Variants in ADAMTS2 observed in about 807,000 individuals in gnomAD.
ADAMTS2 encodes ADAM metallopeptidase with thrombospondin type 1 motif 2.
ADAMTS2 carries 50 observed loss-of-function variants against 123.0 expected under a neutral mutation model. That is an observed-to-expected ratio of 0.41 (90% CI 0.32 to 0.51). ADAMTS2 has a LOEUF of 0.51. Ranked by LOEUF, ADAMTS2 falls within the 20% of genes least tolerant of loss-of-function variation. ADAMTS2 has a pLI of 0.35. For missense variants in ADAMTS2, 1,494 were observed against 1,705.2 expected (o/e 0.88, Z 2.18); for synonymous variants, 678 against 695.4 (o/e 0.98, Z 0.39).
intron 5 of ADAMTS2, among the ~76,000 whole-genome samples, chr5:179,179,873 C>A (rs989068340): frequency 6.6e-6 from 1 of 152,176 alleles, no homozygotes; most frequent in African/African-American, 2.4e-5. Context: ...GACTGAGATT[C>A]TCTTTGAACA....
rs1765473969 is a variant in ADAMTS2, at chr5:179,234,100, T to C, written c.689-26385A>G. ...CGTGGACTCTGCAGGTTTCCTAATG[T>C]CCTCCCAGTAACTCTTCCTGGCTCA... On this transcript the variant is annotated intron_variant, in intron 3 of 21. Transcript: ENST00000251582. This position sits in a 1 kb window ranked among gnomAD's most constrained non-coding sequence, Gnocchi z 4.7. 6.6e-6 allele frequency among the ~76,000 whole-genome samples: 1 copy of C among 152,132 alleles called. No individual in the cohort carries two copies. The highest frequency in any genetic ancestry group is 1.5e-5 in the Non-Finnish European group (1 of 68,006).
chr5:179,205,611 G>A (rs1291615207), intron 4 of ADAMTS2, among the ~76,000 whole-genome samples: 6 of 152,150 alleles, frequency 3.9e-5, no homozygotes, highest in Admixed American at 2.0e-4. Context: ...AACTCATATT[G>A]TGAAGGCAGC....
In ADAMTS2 at chr5:179,180,814, C is replaced by A. The variant is rs1243173352; in HGVS notation, c.975+258G>T. ...CCCCTGGTGCCTCCCTGTGTGGCCC[C>A]CGTGGCCTGGTATGTCTCTTCCTCT... On this transcript the variant is annotated intron_variant, in intron 5 of 21. Transcript: ENST00000251582. This position sits in a 1 kb window ranked among gnomAD's most constrained non-coding sequence, Gnocchi z 4.6. Among the ~76,000 whole-genome samples the A allele has an allele frequency of 6.6e-6, 1 of 152,166 alleles. No individual in the cohort carries two copies. Among genetic ancestry groups the A allele is most frequent in the Non-Finnish European group, 1.5e-5 (1 of 68,028 alleles).
intron 2 of ADAMTS2, among the ~76,000 whole-genome samples, chr5:179,280,632 G>A (rs1302869643): frequency 1.3e-5 from 2 of 152,106 alleles, no homozygotes; most frequent in Non-Finnish European, 2.9e-5. Context: ...TGGGGTCCCA[G>A]CAGCCGTCTG....
intron 3 of ADAMTS2, among the ~76,000 whole-genome samples, chr5:179,263,898 G>A (rs886483746): frequency 2.6e-5 from 4 of 152,206 alleles, no homozygotes; most frequent in Admixed American, 1.3e-4. Flanking sequence ...AAAGAGAAAC[G>A]GGTCAAAGAA....
At chr5:179,231,479 C>T (rs927378277) in intron 3 of ADAMTS2, among the ~76,000 whole-genome samples, 2 of 152,148 alleles carry the variant, frequency 1.3e-5, no homozygotes, top group African/African-American at 4.8e-5. Context: ...TGTCTACCGC[C>T]TCGATGTGCT....
rs1048323343 is a variant in ADAMTS2 at position 179,343,631 on chromosome 5, G to A, written c.534+136C>T. The stretch of plus-strand genomic sequence containing the variant: ...GCCAAGCCCTTCAGTTGGAGCACGA[G>A]GCTCACTAAAGCACGGGAAGGGCGC... On this transcript the variant is annotated intron_variant, in intron 2 of 21. Transcript: ENST00000251582. The A allele has an allele frequency of 2.4e-6, 3 of 1,226,240 alleles. No individual in the cohort carries two copies. The African/African-American group carries it at 4.5e-5, about 18-fold the overall frequency. The allele number at this position is 1,226,240 out of a possible 1,614,324, so 76.0% of individuals were successfully genotyped here.
intron 2 of ADAMTS2, among the ~76,000 whole-genome samples, chr5:179,336,973 C>T (rs868543581): frequency 2.0e-5 from 3 of 152,198 alleles, no homozygotes; most frequent in Non-Finnish European, 4.4e-5. Flanking sequence ...TGCCTCTGAG[C>T]GGAAGCTGTG....
chr5:179,338,298 G>A (rs541580308), intron 2 of ADAMTS2, among the ~76,000 whole-genome samples: 12 of 152,268 alleles, frequency 7.9e-5, no homozygotes, highest in East Asian at 3.9e-4. Flanking sequence ...CTAGAGCCTC[G>A]GTTTCCTACC....
At chr5:179,327,662 C>T (rs1757350420) in intron 2 of ADAMTS2, among the ~76,000 whole-genome samples, 1 of 152,166 alleles carries the variant, frequency 6.6e-6, no homozygotes, top group Admixed American at 6.5e-5. Context: ...GGGAAATGGG[C>T]CTGGGAGATC....
chr5:179,205,546 T>A (rs1161415027), intron 4 of ADAMTS2, among the ~76,000 whole-genome samples: 1 of 152,156 alleles, frequency 6.6e-6, no homozygotes, highest in East Asian at 1.9e-4. Context: ...GGACTGTAAT[T>A]CCAAGCCCAG....
intron 3 of ADAMTS2, among the ~76,000 whole-genome samples, chr5:179,265,119 C>T (rs1400935755): frequency 6.6e-6 from 1 of 152,092 alleles, no homozygotes; most frequent in Non-Finnish European, 1.5e-5. Flanking sequence ...TGGGAGCAGC[C>T]CTAATGCAGC....
intron 3 of ADAMTS2, among the ~76,000 whole-genome samples, chr5:179,269,087 C>T (rs942167958): frequency 3.3e-5 from 5 of 152,216 alleles, no homozygotes; most frequent in African/African-American, 4.8e-5. Context: ...CACAGGGACA[C>T]GTCAGAAGAG....
intron 3 of ADAMTS2, among the ~76,000 whole-genome samples, chr5:179,265,026 C>T (rs558058893): frequency 1.3e-4 from 20 of 152,194 alleles, no homozygotes; most frequent in African/African-American, 4.1e-4. Context: ...CAGCAGCATG[C>T]CGGGTGGGGC....
At chr5:179,207,471 A>ACCCCACCCCC in intron 4 of ADAMTS2, 42 bp downstream of exon 4, 3 of 1,026,474 alleles carry the variant, frequency 2.9e-6, no homozygotes, top group Non-Finnish European at 3.0e-6. Flanking sequence ...CCCCTGGTTG[A>ACCCCACCCCC]CCCTCCCCGC....
intron 5 of ADAMTS2, among the ~76,000 whole-genome samples, chr5:179,172,451 C>T (rs1413093882): frequency 6.6e-6 from 1 of 152,250 alleles, no homozygotes; most frequent in Non-Finnish European, 1.5e-5. Flanking sequence ...GGGGCAGGGG[C>T]CAAGGAGGCC....
chr5:179,199,843 T>C (rs77274102), intron 4 of ADAMTS2, among the ~76,000 whole-genome samples: 2,997 of 152,324 alleles, frequency 0.02, 103 homozygotes, highest in African/African-American at 0.069. Flanking sequence ...AATGCTCTAA[T>C]ATTTGCATTT....
At chr5:179,119,561 C>T (rs1161167997) in intron 21 of ADAMTS2, among the ~76,000 whole-genome samples, 1 of 152,236 alleles carries the variant, frequency 6.6e-6, no homozygotes, top group Non-Finnish European at 1.5e-5. Context: ...CCTGTGGCTG[C>T]CTGGGAAGAC....
chr5:179,177,983 C>A (rs934967032), intron 5 of ADAMTS2, among the ~76,000 whole-genome samples: 57 of 152,306 alleles, frequency 3.7e-4, no homozygotes, highest in African/African-American at 1.3e-3. Context: ...TAGGAGCAAC[C>A]TGGGGGAAAA....
Sources: gnomAD v4.1 joint callset for allele counts (sites outside exome capture counted in the v4.1 genomes callset) on GRCh38, gnomAD v4.1.1 for gene constraint, Gnocchi (gnomAD v3.1) non-coding constraint, MANE v1.5 for transcripts, NCBI Gene and HGNC (gene_info 2026-07-23, HGNC 2026-07-21) for gene names.